KALRN: variants seen among roughly 807,000 people sequenced by gnomAD.
KALRN encodes kalirin RhoGEF kinase, also known as kalirin.
In KALRN, 70 loss-of-function variants were observed where a neutral mutation model predicts 353.7. The ratio of observed to expected loss-of-function variants is 0.20; its 90% CI spans 0.16 to 0.24. The LOEUF is 0.24. Ranked by LOEUF, KALRN falls within the 10% of genes least tolerant of loss-of-function variation. The pLI is 1.00. For synonymous variants in KALRN, 1,391 were observed against 1,434.8 expected (o/e 0.97, Z 0.69); for missense variants, 2,791 against 3,756.7 (o/e 0.74, Z 6.72).
At chr3:124,386,292 T>A (rs1162159811) in intron 11 of KALRN, among the ~76,000 whole-genome samples, 1 of 152,110 alleles carries the variant, frequency 6.6e-6, no homozygotes, top group African/African-American at 2.4e-5. Flanking sequence ...CAATTCTTAA[T>A]GAAAGTCTCA....
intron 15 of KALRN, among the ~76,000 whole-genome samples, chr3:124,427,639 AAG>A (rs1214501626): frequency 6.6e-6 from 1 of 152,196 alleles, no homozygotes; most frequent in African/African-American, 2.4e-5. Context: ...AGAAGCAATA[AAG>A]ATCTTCATGT....
At position 124,686,883 on chromosome 3, in the gene KALRN, C is replaced by T. The variant is rs553963105; in HGVS notation, c.7378-6921C>T. ...AGGCTAGAGTGCAGTGGCATGATCT[C>T]GGCTCACTGCAGCACTAACCTCCCA... is the stretch of plus-strand genomic sequence containing the variant. On this transcript the variant is annotated intron_variant, in intron 51 of 59. Coordinates refer to ENST00000682506, the MANE Select transcript of KALRN (RefSeq NM_001388419.1). 3.5e-3 allele frequency among the ~76,000 whole-genome samples: 469 copies of T among 135,126 alleles called. 2 individuals are homozygous for T. The highest frequency in any genetic ancestry group is 4.9e-3 in the Non-Finnish European group (320 of 65,028). 88.6% of individuals were successfully genotyped at this position (135,126 alleles called of 152,430 possible). A position where few individuals can be genotyped will look rare whatever the true frequency, so the allele number is the denominator to read the frequency against.
intron 51 of KALRN, among the ~76,000 whole-genome samples, chr3:124,686,303 C>A (rs1270894774): frequency 1.3e-5 from 2 of 152,200 alleles, no homozygotes; most frequent in Admixed American, 6.5e-5. Context: ...GAGCTCCCAA[C>A]AACATCATCA....
chr3:124,431,384 G>C (rs2093269395), intron 16 of KALRN, among the ~76,000 whole-genome samples: 1 of 152,196 alleles, frequency 6.6e-6, no homozygotes, highest in South Asian at 2.1e-4. Context: ...GGGCTTTTTA[G>C]AAGGCTATTT....
chr3:124,419,317 A>G (rs1160260562), intron 14 of KALRN, among the ~76,000 whole-genome samples: 2 of 150,700 alleles, frequency 1.3e-5, no homozygotes, highest in East Asian at 1.9e-4. Context: ...TTTTAAGCCT[A>G]CTAGATGCCA....
At chr3:124,602,390 C>A (rs66538419) in intron 34 of KALRN, among the ~76,000 whole-genome samples, 6,141 of 152,266 alleles carry the variant, frequency 0.04, 146 homozygotes, top group East Asian at 0.073. Flanking sequence ...AGGGTTTCAA[C>A]TCACAAAGCT....
chr3:124,208,665 C>G (rs1579404104), intron 1 of KALRN, among the ~76,000 whole-genome samples: 2 of 152,156 alleles, frequency 1.3e-5, no homozygotes, highest in Admixed American at 1.3e-4. Context: ...TAGATTAATT[C>G]ATATAGAACC....
At chr3:124,347,389 G>T in intron 10 of KALRN, 124 bp downstream of exon 10, 1 of 1,364,558 alleles carries the variant, frequency 7.3e-7, no homozygotes, top group South Asian at 1.4e-5. Context: ...GTGTGTGTGT[G>T]TGTGTGTGTG....
At chr3:124,186,840 C>T (rs1055896506) in intron 1 of KALRN, among the ~76,000 whole-genome samples, 27 of 152,188 alleles carry the variant, frequency 1.8e-4, no homozygotes, top group African/African-American at 6.5e-4. Flanking sequence ...GTCCTCCAAG[C>T]CTGAGTGTAT....
chr3:124,346,535 G>A (rs1251217946), intron 9 of KALRN, among the ~76,000 whole-genome samples: 1 of 152,190 alleles, frequency 6.6e-6, no homozygotes, highest in East Asian at 1.9e-4. Context: ...TGTTTGGTTG[G>A]TTGGTTGGTA....
At chr3:124,200,234 C>G (rs1040960942) in intron 1 of KALRN, among the ~76,000 whole-genome samples, 2 of 152,238 alleles carry the variant, frequency 1.3e-5, no homozygotes, top group African/African-American at 4.8e-5. Flanking sequence ...TTCTGAGCCT[C>G]TCCCTCAACT....
intron 27 of KALRN, among the ~76,000 whole-genome samples, chr3:124,481,010 T>A (rs2061929842): frequency 6.6e-6 from 1 of 152,196 alleles, no homozygotes; most frequent in African/African-American, 2.4e-5. Flanking sequence ...TTCTCTTGAG[T>A]ATATACCTAG....
rs1475412120 is a variant in KALRN at position 124,307,806 on chromosome 3, A to G, written c.1092+8893A>G. On this transcript the variant is annotated intron_variant, in intron 6 of 59. Coordinates refer to ENST00000682506, the MANE Select transcript of KALRN (RefSeq NM_001388419.1). ...AAATGTGAAAGGATTCAATAATCCA[A>G]TCAAAGGTAGAAATTGTCAGACTGG... 5.3e-5 allele frequency among the ~76,000 whole-genome samples: 8 copies of G among 152,160 alleles called. No homozygotes were observed. The East Asian group carries it at 7.7e-4, about 15-fold the overall frequency.
Position 124,674,597 on chromosome 3 carries a change from T to A in KALRN, c.7176T>A (p.Ser2392Arg). ...TCACCAAAGCCACAGCAGCAGAAAG[T>A]AGTGACGGGAGCATCAAGTAAGTGC... Reference protein sequence around the residue: ...APLTKATAAESSDGSIKKSCS... With the variant: ...APLTKATAAERSDGSIKKSCS... The change falls in exon 49 of 60, where the codon AGT becomes AGA. Residue 2392 changes from serine to arginine, a missense_variant. Physicochemically the swap from Ser to Arg is moderately radical, Grantham distance 110. Coordinates refer to ENST00000682506, the MANE Select transcript of KALRN (RefSeq NM_001388419.1). 1 of 1,595,670 alleles carries A rather than the reference T, an allele frequency of 6.3e-7. No homozygotes were observed. Among genetic ancestry groups the A allele is most frequent in the Non-Finnish European group, 8.6e-7 (1 of 1,168,302 alleles).
chr3:124,402,773 A>G (rs1226085796), intron 13 of KALRN, among the ~76,000 whole-genome samples: 1 of 152,198 alleles, frequency 6.6e-6, no homozygotes, highest in Non-Finnish European at 1.5e-5. Flanking sequence ...TAGTTTTTTC[A>G]TTAGAAATTG....
At chr3:124,125,218 T>G (rs1424886262) in intron 1 of KALRN, among the ~76,000 whole-genome samples, 1 of 152,226 alleles carries the variant, frequency 6.6e-6, no homozygotes, top group Non-Finnish European at 1.5e-5. Flanking sequence ...AAGCAAGGAT[T>G]ATCATTGCCC....
chr3:124,694,833 C>A (rs2150602930), intron 53 of KALRN, among the ~76,000 whole-genome samples: 1 of 152,290 alleles, frequency 6.6e-6, no homozygotes, highest in African/African-American at 2.4e-5. Context: ...CCACATTAAA[C>A]AAATAGGGAA....
At chr3:124,627,237 C>T (rs948846455) in intron 34 of KALRN, among the ~76,000 whole-genome samples, 12 of 152,166 alleles carry the variant, frequency 7.9e-5, no homozygotes, top group African/African-American at 2.7e-4. Context: ...TCAGGACACC[C>T]ACTAGGTGAT....
At chr3:124,385,940 T>C (rs2088216910) in intron 11 of KALRN, among the ~76,000 whole-genome samples, 1 of 152,080 alleles carries the variant, frequency 6.6e-6, no homozygotes, top group African/African-American at 2.4e-5. Context: ...TAATTAAAGT[T>C]TGATTGCTGC....
Sources: gnomAD v4.1 joint callset for allele counts (sites outside exome capture counted in the v4.1 genomes callset) on GRCh38, gnomAD v4.1.1 for gene constraint, MANE v1.5 for transcripts, NCBI Gene and HGNC (gene_info 2026-07-23, HGNC 2026-07-21) for gene names.